The following PTPRD variants were observed in gnomAD, a reference collection of about 807,000 sequenced individuals.
PTPRD encodes protein tyrosine phosphatase receptor type D, also known as receptor-type tyrosine-protein phosphatase delta.
A neutral mutation model predicts 214.5 loss-of-function variants in PTPRD; 34 were observed. The observed-to-expected ratio is 0.16, with a 90% CI of 0.12 to 0.21. PTPRD has a LOEUF of 0.21. Among genes scored for constraint, PTPRD ranks in the 10% least tolerant of loss-of-function variants. The probability of loss-of-function intolerance (pLI) is 1.00; values close to 1 mark genes in which losing one functional copy is unlikely to be tolerated. For missense variants in PTPRD, 2,545 were observed against 2,398.7 expected (o/e 1.06, Z -1.27); for synonymous variants, 1,128 against 845.7 (o/e 1.33, Z -5.79).
At chr9:10,293,422 A>G (rs1330086697) in intron 3 of PTPRD, among the ~76,000 whole-genome samples, 2 of 151,980 alleles carry the variant, frequency 1.3e-5, no homozygotes, top group East Asian at 3.9e-4. Flanking sequence ...TTAGAGGAGG[A>G]GATCCAGCAT....
chr9:9,340,884 A>G (rs151036668), intron 9 of PTPRD, among the ~76,000 whole-genome samples: 29 of 152,280 alleles, frequency 1.9e-4, no homozygotes, highest in African/African-American at 6.7e-4. Context: ...CCAGCTAATC[A>G]TTAGAATAAA....
intron 2 of PTPRD, among the ~76,000 whole-genome samples, chr9:10,499,191 A>G (rs1156231294): frequency 1.1e-4 from 17 of 151,966 alleles, no homozygotes; most frequent in Admixed American, 1.1e-3. Flanking sequence ...CACTAGATTT[A>G]TCCTTCTGTA....
intron 2 of PTPRD, among the ~76,000 whole-genome samples, chr9:10,478,033 G>T (rs2132009817): frequency 6.6e-6 from 1 of 151,276 alleles, no homozygotes; most frequent in South Asian, 2.1e-4. Flanking sequence ...ATGCATGTGG[G>T]GCTCTAAACC....
chr9:8,832,807 T>A (rs2097325576), intron 11 of PTPRD, among the ~76,000 whole-genome samples: 1 of 152,078 alleles, frequency 6.6e-6, no homozygotes, highest in South Asian at 2.1e-4. Flanking sequence ...GCTCTTGCTC[T>A]CTCTGTATTT....
At chr9:8,320,868 G>T (rs542689057) in intron 44 of PTPRD, among the ~76,000 whole-genome samples, 15 of 152,138 alleles carry the variant, frequency 9.9e-5, no homozygotes, top group South Asian at 4.2e-4. Context: ...AGATAATGAG[G>T]GAAACAGTGA....
At chr9:10,317,123 C>T (rs2096455775) in intron 3 of PTPRD, among the ~76,000 whole-genome samples, 1 of 151,838 alleles carries the variant, frequency 6.6e-6, no homozygotes, top group African/African-American at 2.4e-5. Flanking sequence ...TTGAGCCTAA[C>T]ATTTTGAGCA....
intron 9 of PTPRD, among the ~76,000 whole-genome samples, chr9:9,321,469 G>C (rs10977658): frequency 0.53 from 79,400 of 151,092 alleles, 21,548 homozygotes; most frequent in East Asian, 0.58. Flanking sequence ...GCAAGAGAAT[G>C]GCTTGAACCT....
chr9:9,823,282 G>C (rs1476906401), intron 5 of PTPRD, among the ~76,000 whole-genome samples: 1 of 151,906 alleles, frequency 6.6e-6, no homozygotes, highest in East Asian at 1.9e-4. Context: ...ATGATGGAAG[G>C]CAAAGGGGGA....
chr9:9,399,611 G>A (rs2141279494), intron 8 of PTPRD, among the ~76,000 whole-genome samples: 1 of 152,072 alleles, frequency 6.6e-6, no homozygotes, highest in South Asian at 2.1e-4. Context: ...CACATATTGT[G>A]GTAGAGATCC....
chr9:10,019,473 C>T (rs1282269892), intron 4 of PTPRD, among the ~76,000 whole-genome samples: 1 of 152,136 alleles, frequency 6.6e-6, no homozygotes, highest in East Asian at 1.9e-4. Context: ...AAGACACATG[C>T]ACACGTATGT....
chr9:10,236,672 G>T (rs2099629967), intron 3 of PTPRD, among the ~76,000 whole-genome samples: 2 of 151,768 alleles, frequency 1.3e-5, no homozygotes, highest in Non-Finnish European at 2.9e-5. Flanking sequence ...AGGCATTTAG[G>T]ATATATTGAA....
chr9:8,886,855 T>A (rs895170100), intron 11 of PTPRD, among the ~76,000 whole-genome samples: 1 of 152,256 alleles, frequency 6.6e-6, no homozygotes, highest in Non-Finnish European at 1.5e-5. Context: ...TGTCAGGCCA[T>A]GCTTCATTCC....
intron 14 of PTPRD, among the ~76,000 whole-genome samples, chr9:8,604,067 C>T (rs1277018383): frequency 6.6e-6 from 1 of 152,188 alleles, no homozygotes; most frequent in Non-Finnish European, 1.5e-5. Context: ...CAGCTTCCAG[C>T]ATATCATACT....
chr9:9,910,211 T>C (rs1219777608), intron 5 of PTPRD, among the ~76,000 whole-genome samples: 2 of 152,008 alleles, frequency 1.3e-5, no homozygotes, highest in Non-Finnish European at 2.9e-5. Context: ...AGAATAAATG[T>C]TAAGCTGATG....
chr9:10,192,168 G>A (rs1428814255), intron 3 of PTPRD, among the ~76,000 whole-genome samples: 2 of 152,096 alleles, frequency 1.3e-5, no homozygotes, highest in East Asian at 1.9e-4. Flanking sequence ...TAGGTTGAAT[G>A]AGCTGCTGCC....
intron 7 of PTPRD, among the ~76,000 whole-genome samples, chr9:9,615,373 T>A (rs1023285858): frequency 5.9e-5 from 9 of 152,082 alleles, no homozygotes; most frequent in Non-Finnish European, 1.2e-4. Context: ...AAGGGTGGCG[T>A]GTTTGTGAAG....
intron 2 of PTPRD, among the ~76,000 whole-genome samples, chr9:10,356,154 G>C (rs2097273210): frequency 6.6e-6 from 1 of 150,588 alleles, no homozygotes; most frequent in South Asian, 2.1e-4. Context: ...TATCAACCAA[G>C]CTCTGAACTG....
intron 5 of PTPRD, among the ~76,000 whole-genome samples, chr9:9,920,000 C>A (rs993846163): frequency 6.6e-6 from 1 of 151,890 alleles, no homozygotes; most frequent in African/African-American, 2.4e-5. Flanking sequence ...TTTTTTTCAT[C>A]ATAATCAAAG....
chr9:9,378,139 A>G (rs894420705), intron 9 of PTPRD, among the ~76,000 whole-genome samples: 5 of 152,084 alleles, frequency 3.3e-5, no homozygotes, highest in African/African-American at 1.2e-4. Context: ...CACTTTATGG[A>G]TGTATATTAC....
Sources: gnomAD v4.1 joint callset for allele counts (sites outside exome capture counted in the v4.1 genomes callset) on GRCh38, gnomAD v4.1.1 for gene constraint, MANE v1.5 for transcripts, NCBI Gene and HGNC (gene_info 2026-07-23, HGNC 2026-07-21) for gene names.